The following PPP1R26 variants were observed in gnomAD, a reference collection of about 807,000 sequenced individuals.
PPP1R26 encodes protein phosphatase 1 regulatory subunit 26, also known as 1A6/DRIM (down-regulated in metastasis) interacting protein.
A neutral mutation model predicts 67.6 loss-of-function variants in PPP1R26; 22 were observed. That is an observed-to-expected ratio of 0.33 (90% confidence interval 0.23 to 0.46). The LOEUF is 0.46. Ranked by LOEUF, PPP1R26 falls within the 20% of genes least tolerant of loss-of-function variation. PPP1R26 has a pLI of 1.00. For synonymous variants in PPP1R26, 729 were observed against 717.2 expected, an observed-to-expected ratio of 1.02 and a Z score of -0.26; for missense variants, 1,602 against 1,651.4, an observed-to-expected ratio of 0.97 and a Z score of 0.52.
intron 3 of PPP1R26, 134 bp from the exon 4 acceptor site, chr9:135,484,315 A>G (rs1830626382): frequency 1.7e-6 from 1 of 589,542 alleles, no homozygotes; most frequent in Non-Finnish European, 2.9e-6. Context: ...ACACCCAGCT[A>G]GCTGGACGTT....
At chr9:135,481,650 G>GT (rs1830523578) in intron 1 of PPP1R26, among the ~76,000 whole-genome samples, 1 of 151,380 alleles carries the variant, frequency 6.6e-6, no homozygotes, top group Admixed American at 6.6e-5. Flanking sequence ...ATGGAGTCTC[G>GT]TTCTGTCTCC....
chr9:135,486,630 T>C lies in PPP1R26; in HGVS notation c.2120T>C (p.Leu707Pro). 2 of 1,612,240 alleles carry C rather than the reference T, an allele frequency of 1.2e-6. No homozygotes were observed. The highest frequency in any genetic ancestry group is 1.7e-6 in the Non-Finnish European group (2 of 1,179,856). ...GACTTGTTAAGGTCCAAGCGAAAGC[T>C]CAAGAAGAGGTGCAGGGAGCCCAGG... ...IKDLLRSKRK[L>P]KKRCREPRAA... is the part of the protein sequence containing the mutation. The change falls in exon 4 of 4, where the codon CTC becomes CCC. Residue 707 changes from leucine (L) to proline (P), a missense_variant. Physicochemically the swap from Leu to Pro is moderately conservative, Grantham distance 98. Around this residue, in one of 5 missense-constraint regions of PPP1R26, gnomAD observed 740 missense variants for 696.3 expected, o/e 1.06. Coordinates refer to ENST00000356818, the MANE Select transcript of PPP1R26 (RefSeq NM_014811.5). The surrounding 1 kb of genome is among the most constrained non-coding windows in gnomAD (Gnocchi z 6.2).
At chr9:135,481,007 C>G (rs1033653935) in intron 1 of PPP1R26, among the ~76,000 whole-genome samples, 7 of 152,102 alleles carry the variant, frequency 4.6e-5, no homozygotes, top group Admixed American at 4.6e-4. Context: ...GGCGAGGGCC[C>G]AGTGTGGGTG....
In PPP1R26 at chr9:135,485,958, G is replaced by T. The variant is rs1830710820; in HGVS notation, c.1448G>T (p.Cys483Phe). The T allele has an allele frequency of 2.5e-6, 4 of 1,613,242 alleles. No homozygotes were observed. Among genetic ancestry groups the T allele is most frequent in the Non-Finnish European group, 1.7e-6 (2 of 1,180,048 alleles). The change falls in exon 4 of 4, where the codon TGT (cysteine) becomes TTT (phenylalanine). Residue 483 changes from cysteine to phenylalanine, a missense_variant. This residue lies in a region of PPP1R26 where 680 missense variants were observed against 726.1 expected (regional missense o/e 0.94). Coordinates refer to ENST00000356818, the MANE Select transcript of PPP1R26 (RefSeq NM_014811.5). This position sits in a 1 kb window ranked among gnomAD's most constrained non-coding sequence, Gnocchi z 7.2. ...CRADTSAELM[C>F]AEAILDISKT... Reference sequence around the variant, plus strand: ...GCGGACACATCTGCTGAGCTGATGTGTGCAGAAGCAATCCTGGACATCTCC... The same window carrying T: ...GCGGACACATCTGCTGAGCTGATGTTTGCAGAAGCAATCCTGGACATCTCC...
In PPP1R26 at chr9:135,487,077, C is replaced by T. The variant is rs760350311; in HGVS notation, c.2567C>T (p.Ser856Leu). ...AEKAKESVSS[S>L]EVQAEGPTAL... The stretch of plus-strand genomic sequence containing the variant: ...AAGGCCAAGGAGTCAGTGAGCAGTT[C>T]AGAAGTTCAGGCAGAGGGCCCCACC... Residue 856 changes from serine (S) to leucine (L), a missense_variant, in exon 4 of 4, where the codon TCA (serine) becomes TTA (leucine). By Grantham distance (145) the Ser-to-Leu change is moderately radical. Coordinates refer to ENST00000356818, the MANE Select transcript of PPP1R26 (RefSeq NM_014811.5). 30 of 1,611,338 alleles carry T rather than the reference C, an allele frequency of 1.9e-5. No individual in the cohort carries two copies. The highest frequency in any genetic ancestry group is 2.4e-5 in the Non-Finnish European group (28 of 1,179,980).
Position 135,487,216 on chromosome 9 carries a change from C to A in PPP1R26, c.2706C>A (p.Ala902=), listed in dbSNP as rs372949310. 3 of 1,590,906 alleles carry A rather than the reference C, an allele frequency of 1.9e-6. No homozygotes were observed. The highest frequency in any genetic ancestry group is 1.8e-5 in the Admixed American group (1 of 57,092). The change falls in exon 4 of 4, where the codon GCC becomes GCA. Residue 902 remains alanine (A), a synonymous_variant. Coordinates refer to ENST00000356818, the MANE Select transcript of PPP1R26 (RefSeq NM_014811.5). The stretch of plus-strand genomic sequence containing the variant: ...GGGCCAGGGGGGTCCCACATCTGGC[C>A]GAAGGGCTTCGAGGCACAGAGAGCG... ...SQRARGVPHL[A]EGLRGTESAG...
At chr9:135,483,190 C>T (rs1374895958) in intron 2 of PPP1R26, among the ~76,000 whole-genome samples, 1 of 151,998 alleles carries the variant, frequency 6.6e-6, no homozygotes, top group Non-Finnish European at 1.5e-5. Flanking sequence ...TGGAGTTTCA[C>T]TATATTGGTC....
intron 1 of PPP1R26, among the ~76,000 whole-genome samples, chr9:135,482,337 G>C (rs1177119948): frequency 6.6e-6 from 1 of 152,210 alleles, no homozygotes; most frequent in African/African-American, 2.4e-5. Context: ...TGTCAGTGGG[G>C]AATCTCTCCA....
chr9:135,485,682 G>A lies in PPP1R26; in HGVS notation c.1172G>A (p.Arg391Lys), dbSNP rs1189992401. ...GAGGCCGACGGGGACCTGCCCCAGA[G>A]GGTCCAACTCCGAGAGGAGAGAGCG... is the stretch of plus-strand genomic sequence containing the variant. ...RKEADGDLPQ[R>K]VQLREERAPD... The change falls in exon 4 of 4, where the codon AGG becomes AAG. Residue 391 changes from arginine to lysine, a missense_variant. Coordinates refer to ENST00000356818, the MANE Select transcript of PPP1R26 (RefSeq NM_014811.5). The surrounding 1 kb of genome is among the most constrained non-coding windows in gnomAD (Gnocchi z 7.2). 6.2e-7 allele frequency: 1 copy of A among 1,611,366 alleles called. No individual in the cohort carries two copies. The highest frequency in any genetic ancestry group is 8.5e-7 in the Non-Finnish European group (1 of 1,180,014).
intron 2 of PPP1R26, among the ~76,000 whole-genome samples, chr9:135,483,071 A>T (rs1830580793): frequency 7.0e-6 from 1 of 143,272 alleles, no homozygotes; most frequent in Non-Finnish European, 1.5e-5. Context: ...CTCACTGCAA[A>T]CTCTACCTCC....
rs143922539 is a variant in PPP1R26, at chr9:135,486,214, G to T, written c.1704G>T (p.Pro568=). 6.2e-7 allele frequency: 1 copy of T among 1,612,968 alleles called. No homozygotes were observed. The highest frequency in any genetic ancestry group is 1.3e-5 in the African/African-American group (1 of 75,064). The change falls in exon 4 of 4, where the codon CCG becomes CCT. Residue 568 remains proline, a synonymous_variant. Coordinates refer to ENST00000356818, the MANE Select transcript of PPP1R26 (RefSeq NM_014811.5). The surrounding 1 kb of genome is among the most constrained non-coding windows in gnomAD (Gnocchi z 6.2). The part of the protein sequence containing the change: ...CPQAAQGPLL[P]PGLNSQTGGH... ...AGGCTGCCCAGGGTCCACTTTTGCC[G>T]CCTGGCCTCAACAGCCAGACCGGCG...
At chr9:135,484,357 C>A in intron 3 of PPP1R26, 92 bp from the exon 4 acceptor site, 1 of 727,318 alleles carries the variant, frequency 1.4e-6, no homozygotes, top group Non-Finnish European at 2.2e-6. Flanking sequence ...ACTCTGTGAG[C>A]CCGACATGCT....
intron 1 of PPP1R26, among the ~76,000 whole-genome samples, chr9:135,481,304 G>A (rs949819754): frequency 2.1e-5 from 3 of 145,846 alleles, no homozygotes; most frequent in Non-Finnish European, 3.0e-5. Context: ...TGCAATGGCT[G>A]ATCTCGGCTC....
Position 135,485,570 on chromosome 9 carries a change from G to T in PPP1R26, c.1060G>T (p.Ala354Ser). 1 of 1,613,220 alleles carries T rather than the reference G, an allele frequency of 6.2e-7. No individual in the cohort carries two copies. The highest frequency in any genetic ancestry group is 8.5e-7 in the Non-Finnish European group (1 of 1,180,016). Residue 354 changes from alanine to serine, a missense_variant, in exon 4 of 4, where the codon GCA (alanine) becomes TCA (serine). Around this residue, in one of 5 missense-constraint regions of PPP1R26, gnomAD observed 680 missense variants for 726.1 expected, o/e 0.94. Transcript: ENST00000356818. The surrounding 1 kb of genome is among the most constrained non-coding windows in gnomAD (Gnocchi z 7.2). The part of the protein sequence containing the change: ...ARRGKRVMSA[A>S]QASEASDSSS... ...GAGGGGAAAGCGAGTCATGAGTGCG[G>T]CACAGGCGTCCGAGGCGTCCGACTC...
chr9:135,481,323 C>G (rs566506125), intron 1 of PPP1R26, among the ~76,000 whole-genome samples: 1 of 147,172 alleles, frequency 6.8e-6, no homozygotes, highest in Non-Finnish European at 1.5e-5. Context: ...TCACTGTAAT[C>G]TCCGCCTCCC....
chr9:135,484,624 G>A lies in PPP1R26; in HGVS notation c.114G>A (p.Val38=). ...GCTTCTCGGAGGCTGACGAGGGCGT[G>A]GAGAGCGCGTCGGTGAGCGCCCGGG... The part of the protein sequence containing the change: ...PRCFSEADEG[V]ESASVSARVQ... Residue 38 remains valine (V), a synonymous_variant, in exon 4 of 4, where the codon GTG becomes GTA. Transcript: ENST00000356818. The A allele has an allele frequency of 6.2e-7, 1 of 1,612,024 alleles. No individual in the cohort carries two copies. Among genetic ancestry groups the A allele is most frequent in the Non-Finnish European group, 8.5e-7 (1 of 1,180,016 alleles).
At position 135,485,529 on chromosome 9, in the gene PPP1R26, G is replaced by T; in HGVS notation, c.1019G>T (p.Ser340Ile). ...CAGAATAAAGGTGGGATCAAAAGGA[G>T]CGCCAGCGCTGCAAGGAGGGGAAAG... ...AAQNKGGIKR[S>I]ASAARRGKRV... is the part of the protein sequence containing the mutation. The change falls in exon 4 of 4, where the codon AGC becomes ATC. Residue 340 changes from serine (S) to isoleucine (I), a missense_variant. Physicochemically the swap from Ser to Ile is moderately radical, Grantham distance 142. This residue lies in a region of PPP1R26 where 680 missense variants were observed against 726.1 expected (regional missense o/e 0.94). Coordinates refer to ENST00000356818, the MANE Select transcript of PPP1R26 (RefSeq NM_014811.5). This position sits in a 1 kb window ranked among gnomAD's most constrained non-coding sequence, Gnocchi z 7.2. 6.2e-7 allele frequency: 1 copy of T among 1,613,224 alleles called. No homozygotes were observed. Among genetic ancestry groups the T allele is most frequent in the South Asian group, 1.1e-5 (1 of 91,080 alleles).
rs754484466 is a variant in PPP1R26 at position 135,487,399 on chromosome 9, C to T, written c.2889C>T (p.Asp963=). The change falls in exon 4 of 4, where the codon GAC becomes GAT. Residue 963 remains aspartate (D), a synonymous_variant. Coordinates refer to ENST00000356818, the MANE Select transcript of PPP1R26 (RefSeq NM_014811.5). ...GGAGAAATGTTTACGTTCACAAAGA[C>T]CAGAGCCCACGAGGGGCTGAGCCTG... ...VSRRNVYVHK[D]QSPRGAEPAA... is the part of the protein sequence containing the mutation. 5.9e-5 allele frequency: 93 copies of T among 1,587,350 alleles called. No homozygotes were observed. Among genetic ancestry groups the T allele is most frequent in the Non-Finnish European group, 7.5e-5 (88 of 1,168,562 alleles).
In PPP1R26 at chr9:135,486,464, A is replaced by G. The variant is rs1830734530; in HGVS notation, c.1954A>G (p.Thr652Ala). ...CAGTGAGGCCCTGGGAGGGGAGGGC[A>G]CCGCCAGGGGCCCTGGCGACACTCG... ...KASEALGGEG[T>A]ARGPGDTRMS... Residue 652 changes from threonine to alanine, a missense_variant, in exon 4 of 4, where the codon ACC (threonine) becomes GCC (alanine). By Grantham distance (58) the Thr-to-Ala change is moderately conservative (BLOSUM62 0). Around this residue, in one of 5 missense-constraint regions of PPP1R26, gnomAD observed 680 missense variants for 726.1 expected, o/e 0.94. Transcript: ENST00000356818. This position sits in a 1 kb window ranked among gnomAD's most constrained non-coding sequence, Gnocchi z 6.2. The G allele has an allele frequency of 1.2e-6, 2 of 1,613,080 alleles. No homozygotes were observed. Among genetic ancestry groups the G allele is most frequent in the Admixed American group, 1.7e-5 (1 of 59,978 alleles).
Sources: gnomAD v4.1 joint callset for allele counts (sites outside exome capture counted in the v4.1 genomes callset) on GRCh38, gnomAD v4.1.1 for gene constraint, gnomAD v4.1.1 regional missense constraint, Gnocchi (gnomAD v3.1) non-coding constraint, MANE v1.5 for transcripts, NCBI Gene and HGNC (gene_info 2026-07-23, HGNC 2026-07-21) for gene names.